The following VWA8 variants were observed in gnomAD, a reference collection of about 807,000 sequenced individuals.
VWA8 encodes the protein von Willebrand factor A domain containing 8, also known as von Willebrand factor A domain-containing protein 8.
VWA8 carries 221 observed loss-of-function variants against 241.5 expected under a neutral mutation model. That is an observed-to-expected ratio of 0.91 (90% CI 0.82 to 1.02). The LOEUF (loss-of-function observed/expected upper bound fraction) is 1.02, where lower values mean the gene tolerates loss of function less well. Among genes scored for constraint, VWA8 ranks in the 50% least tolerant of loss-of-function variants. The probability of loss-of-function intolerance (pLI) is 0.00; values close to 1 mark genes in which losing one functional copy is unlikely to be tolerated. For synonymous variants in VWA8, 852 were observed against 827.1 expected (o/e 1.03, Z -0.52); for missense variants, 2,322 against 2,328.7 (o/e 1.00, Z 0.06).
intron 12 of VWA8, among the ~76,000 whole-genome samples, chr13:41,863,455 T>TATATATATATATATATTCA (rs1566485517): frequency 2.3e-5 from 2 of 87,188 alleles, no homozygotes; most frequent in Non-Finnish European, 4.8e-5. Flanking sequence ...ATATATATAT[T>TATATATATATATATATTCA]CACACACACA....
At chr13:41,636,805 C>T (rs1020800834) in intron 37 of VWA8, among the ~76,000 whole-genome samples, 1 of 152,168 alleles carries the variant, frequency 6.6e-6, no homozygotes. Context: ...CCAAAAGACA[C>T]ATGAAAAAAT....
At chr13:41,672,293 A>G (rs1025648827) in intron 36 of VWA8, among the ~76,000 whole-genome samples, 2 of 152,202 alleles carry the variant, frequency 1.3e-5, no homozygotes, top group Admixed American at 6.5e-5. Flanking sequence ...TGACATCTGT[A>G]TATGTGTGTA....
chr13:41,708,823 G>A lies in VWA8; in HGVS notation c.3117-5412C>T, dbSNP rs866617496. Among the ~76,000 whole-genome samples the A allele has an allele frequency of 3.3e-5, 5 of 152,138 alleles. No individual in the cohort carries two copies. The South Asian group carries it at 8.3e-4, about 25-fold the overall frequency. The stretch of plus-strand genomic sequence containing the variant: ...CTGTAGTTTAGTGCTGTTGCCCAGC[G>A]TCACTCAGAGCCAAAGCAGATGTTG... On this transcript the variant is annotated intron_variant, in intron 26 of 44. Coordinates refer to ENST00000379310, the MANE Select transcript of VWA8 (RefSeq NM_015058.2).
At chr13:41,650,538 A>G (rs189236209) in intron 37 of VWA8, among the ~76,000 whole-genome samples, 5 of 152,360 alleles carry the variant, frequency 3.3e-5, no homozygotes, top group Non-Finnish European at 5.9e-5. Flanking sequence ...GAAAACTCCA[A>G]AGGATTCTCC....
At chr13:41,813,720 A>G (rs1327593819) in intron 16 of VWA8, among the ~76,000 whole-genome samples, 1 of 152,226 alleles carries the variant, frequency 6.6e-6, no homozygotes, top group Admixed American at 6.5e-5. Context: ...CAGGGTTGAG[A>G]AAATGAGAGA....
intron 21 of VWA8, among the ~76,000 whole-genome samples, chr13:41,760,215 T>C (rs921571038): frequency 1.3e-5 from 2 of 151,802 alleles, no homozygotes; most frequent in Non-Finnish European, 2.9e-5. Flanking sequence ...TAGTTTTTAT[T>C]GTGGTAGGGC....
chr13:41,849,928 T>C lies in VWA8; in HGVS notation c.1425+15808A>G, dbSNP rs567350860. Among the ~76,000 whole-genome samples, 17 of 151,960 alleles carry C rather than the reference T, an allele frequency of 1.1e-4. No homozygotes were observed. In the South Asian group the frequency reaches 3.3e-3, roughly 30 times the overall value. Reference sequence around the variant, plus strand: ...AGAAAAAGAAAACAGAAGTGCTGCCTAATGGAGATGATCAAACACAGCAAT... The same window carrying C: ...AGAAAAAGAAAACAGAAGTGCTGCCCAATGGAGATGATCAAACACAGCAAT... On this transcript the variant is annotated intron_variant, in intron 12 of 44. Transcript: ENST00000379310.
intron 2 of VWA8, among the ~76,000 whole-genome samples, chr13:41,948,327 A>C (rs1340653280): frequency 6.6e-6 from 1 of 152,184 alleles, no homozygotes; most frequent in Non-Finnish European, 1.5e-5. Flanking sequence ...CAGAAAGTAT[A>C]TTAGTAGTTG....
chr13:41,611,492 C>T lies in VWA8; in HGVS notation c.4877+84G>A, dbSNP rs189320571. On this transcript the variant is annotated intron_variant, in intron 39 of 44. Transcript: ENST00000379310. ...GCTGCATGAGGTGGAGGTGGAAACA[C>T]ACACAAATCTAGGTTTCCCCACAGT... The T allele has an allele frequency of 1.7e-4, 255 of 1,495,380 alleles. 1 individual carries two copies. In the African/African-American group the frequency reaches 3.2e-3, roughly 19 times the overall value. The allele number at this position is 1,495,380 out of a possible 1,614,324, so 92.6% of individuals were successfully genotyped here. A position where few individuals can be genotyped will look rare whatever the true frequency, so the allele number is the denominator to read the frequency against.
At chr13:41,873,550 A>C (rs1337658003) in intron 9 of VWA8, among the ~76,000 whole-genome samples, 4 of 152,208 alleles carry the variant, frequency 2.6e-5, no homozygotes, top group Admixed American at 2.6e-4. Flanking sequence ...AGAATGCTAC[A>C]AACACCTCTA....
chr13:41,929,490 T>C (rs1877006909), intron 2 of VWA8, among the ~76,000 whole-genome samples: 1 of 152,130 alleles, frequency 6.6e-6, no homozygotes, highest in African/African-American at 2.4e-5. Flanking sequence ...AATATCACAC[T>C]TACCCCAGAA....
At chr13:41,913,093 T>C (rs1337310790) in intron 2 of VWA8, among the ~76,000 whole-genome samples, 4 of 152,066 alleles carry the variant, frequency 2.6e-5, no homozygotes, top group Non-Finnish European at 5.9e-5. Flanking sequence ...CCACTTCCAA[T>C]GATATGCTTA....
intron 20 of VWA8, among the ~76,000 whole-genome samples, chr13:41,767,589 T>C (rs1391461621): frequency 6.6e-6 from 1 of 152,198 alleles, no homozygotes; most frequent in Non-Finnish European, 1.5e-5. Flanking sequence ...GAATAGTAAA[T>C]AATCCTAAAC....
At chr13:41,925,813 C>G (rs970020299) in intron 2 of VWA8, 1 of 268,732 alleles carries the variant, frequency 3.7e-6, no homozygotes, top group Non-Finnish European at 7.6e-6. Context: ...AGCCTGGACC[C>G]AAATCAACAC....
intron 40 of VWA8, among the ~76,000 whole-genome samples, chr13:41,594,226 G>C (rs2044474308): frequency 6.6e-6 from 1 of 151,442 alleles, no homozygotes; most frequent in South Asian, 2.1e-4. Context: ...GGGCTCTAGT[G>C]ATCTTACCAC....
rs348257 is a variant in VWA8, at chr13:41,591,218, A to G, written c.4987-453T>C. On this transcript the variant is annotated intron_variant, in intron 40 of 44. Coordinates refer to ENST00000379310, the MANE Select transcript of VWA8 (RefSeq NM_015058.2). ...AAGTTCTCTGGGACTTAGAGTGCAA[A>G]TGGAAATAGCTGAAAACAATAGTAT... Among the ~76,000 whole-genome samples, 1,165 of 152,318 alleles carry G rather than the reference A, an allele frequency of 7.6e-3. 11 individuals are homozygous for G. Among genetic ancestry groups the G allele is most frequent in the African/African-American group, 0.024 (1,018 of 41,562 alleles).
chr13:41,842,190 G>A (rs940169248), intron 12 of VWA8, among the ~76,000 whole-genome samples: 1 of 152,048 alleles, frequency 6.6e-6, no homozygotes, highest in Non-Finnish European at 1.5e-5. Flanking sequence ...TTTAGGTCCT[G>A]AAATAGAAAT....
At chr13:41,646,158 GT>G (rs1252236045) in intron 37 of VWA8, among the ~76,000 whole-genome samples, 1 of 152,048 alleles carries the variant, frequency 6.6e-6, no homozygotes, top group African/African-American at 2.4e-5. Flanking sequence ...TAGAGAAGGG[GT>G]TTCCCCATGT....
At chr13:41,904,566 G>A (rs761314772) in intron 4 of VWA8, among the ~76,000 whole-genome samples, 5 of 152,058 alleles carry the variant, frequency 3.3e-5, no homozygotes, top group Non-Finnish European at 7.4e-5. Flanking sequence ...GGGGTTTACA[G>A]CACCTTTATG....
Sources: allele counts gnomAD v4.1 joint callset (sites outside exome capture counted in the v4.1 genomes callset), GRCh38; gene constraint gnomAD v4.1.1; transcripts MANE v1.5; gene names NCBI Gene and HGNC (gene_info 2026-07-23, HGNC 2026-07-21).